JHY: variants seen among roughly 807,000 people sequenced by gnomAD.
JHY encodes junctional cadherin complex regulator, also known as jhy protein homolog.
In JHY, 69 loss-of-function variants were observed where a neutral mutation model predicts 78.0. The ratio of observed to expected loss-of-function variants is 0.88; its 90% CI spans 0.73 to 1.08. The LOEUF is 1.08. JHY is among the 50% of genes least tolerant of loss of function. The pLI is 0.00. For missense variants in JHY, 944 were observed against 927.8 expected, an observed-to-expected ratio of 1.02 and a Z score of -0.23; for synonymous variants, 368 against 342.6, an observed-to-expected ratio of 1.07 and a Z score of -0.82.
At chr11:122,891,926 A>G (rs1862623625) in intron 2 of JHY, among the ~76,000 whole-genome samples, 1 of 152,256 alleles carries the variant, frequency 6.6e-6, no homozygotes, top group South Asian at 2.1e-4. Context: ...AGTAAAAATT[A>G]AAACTATGAC....
chr11:122,955,621 C>A (rs1300999562), intron 6 of JHY, among the ~76,000 whole-genome samples: 1 of 152,166 alleles, frequency 6.6e-6, no homozygotes, highest in East Asian at 1.9e-4. Context: ...ATATTCAATT[C>A]TATGTGCCCT....
At chr11:122,931,480 T>A (rs1380644354) in intron 4 of JHY, among the ~76,000 whole-genome samples, 1 of 152,228 alleles carries the variant, frequency 6.6e-6, no homozygotes, top group Non-Finnish European at 1.5e-5. Context: ...AACACAGAGT[T>A]CTTCCTTACC....
At chr11:122,923,995 C>A (rs1289107331) in intron 3 of JHY, among the ~76,000 whole-genome samples, 1 of 151,054 alleles carries the variant, frequency 6.6e-6, no homozygotes, top group Non-Finnish European at 1.5e-5. Flanking sequence ...CCTTGGCTTC[C>A]CAAAGTGCCG....
At chr11:122,902,635 C>T (rs191711903) in intron 2 of JHY, among the ~76,000 whole-genome samples, 1 of 152,142 alleles carries the variant, frequency 6.6e-6, no homozygotes, top group East Asian at 1.9e-4. Flanking sequence ...AAGGAAACCT[C>T]GGGAAACTTA....
At chr11:122,931,052 T>C (rs562334842) in intron 4 of JHY, among the ~76,000 whole-genome samples, 33 of 152,146 alleles carry the variant, frequency 2.2e-4, no homozygotes, top group Non-Finnish European at 4.0e-4. Flanking sequence ...GCCTATTTTA[T>C]AGGGACATCA....
Position 122,961,642 on chromosome 11 carries a change from A to G in JHY, c.*2197A>G, listed in dbSNP as rs1171525942. On this transcript the variant is annotated 3_prime_UTR_variant, in exon 9 of 9. Coordinates refer to ENST00000227349, the MANE Select transcript of JHY (RefSeq NM_024806.4). ...AGTGCTGGGATTACAGGCGTTAGCT[A>G]CTACACCTGGCCCTATGATCACTTT... is the stretch of plus-strand genomic sequence containing the variant. 6.6e-6 allele frequency among the ~76,000 whole-genome samples: 1 copy of G among 152,182 alleles called. No homozygotes were observed. Among genetic ancestry groups the G allele is most frequent in the Non-Finnish European group, 1.5e-5 (1 of 68,020 alleles).
intron 2 of JHY, among the ~76,000 whole-genome samples, chr11:122,890,611 T>C (rs1046254754): frequency 6.6e-6 from 1 of 152,182 alleles, no homozygotes; most frequent in African/African-American, 2.4e-5. Context: ...TTTTTTCTCC[T>C]TTTGTCCAGT....
In JHY at chr11:122,957,349, G is replaced by A. The variant is rs763493996; in HGVS notation, c.2011-14G>A. The A allele has an allele frequency of 1.3e-6, 2 of 1,512,714 alleles. No individual in the cohort carries two copies. The highest frequency in any genetic ancestry group is 5.3e-5 in the East Asian group (2 of 38,024). The allele number at this position is 1,512,714 out of a possible 1,614,324, so 93.7% of individuals were successfully genotyped here. On this transcript the variant is annotated splice_polypyrimidine_tract_variant and intron_variant, in intron 7 of 8. Coordinates refer to ENST00000227349, the MANE Select transcript of JHY (RefSeq NM_024806.4). ...CAGCACCTGGATTCATCATAACTTT[G>A]TTTCTCTGAACAGACGCAAAAATTA...
chr11:122,948,967 C>T (rs1386739940), intron 6 of JHY, among the ~76,000 whole-genome samples: 1 of 151,724 alleles, frequency 6.6e-6, no homozygotes. Flanking sequence ...GCCTGTAATC[C>T]CAGCTACTCG....
intron 6 of JHY, among the ~76,000 whole-genome samples, chr11:122,949,494 T>C (rs748326020): frequency 5.3e-5 from 8 of 152,154 alleles, no homozygotes; most frequent in Non-Finnish European, 1.2e-4. Context: ...GAAACTGGCC[T>C]GGATCAGGCA....
At position 122,961,098 on chromosome 11, in the gene JHY, T is replaced by G; in HGVS notation, c.*1653T>G. On this transcript the variant is annotated 3_prime_UTR_variant, in exon 9 of 9. Transcript: ENST00000227349. ...ACAGCCAGTTATGTAAATGTATCTA[T>G]CCCAATTGAGAGAGCCAGAAACAGT... 9.8e-7 allele frequency: 1 copy of G among 1,019,022 alleles called. No homozygotes were observed. Among genetic ancestry groups the G allele is most frequent in the Non-Finnish European group, 1.5e-6 (1 of 662,750 alleles). 63.1% of individuals were successfully genotyped at this position (1,019,022 alleles called of 1,614,324 possible). A position where few individuals can be genotyped will look rare whatever the true frequency, so the allele number is the denominator to read the frequency against.
Position 122,961,081 on chromosome 11 carries a change from T to C in JHY, c.*1636T>C. 1 of 1,021,002 alleles carries C rather than the reference T, an allele frequency of 9.8e-7. No homozygotes were observed. The highest frequency in any genetic ancestry group is 2.6e-5 in the East Asian group (1 of 39,178). 63.2% of individuals were successfully genotyped at this position (1,021,002 alleles called of 1,614,324 possible). ...GCAAAGAAGACTCATGCACAGCCAG[T>C]TATGTAAATGTATCTATCCCAATTG... On this transcript the variant is annotated 3_prime_UTR_variant, in exon 9 of 9. Coordinates refer to ENST00000227349, the MANE Select transcript of JHY (RefSeq NM_024806.4).
At position 122,961,005 on chromosome 11, in the gene JHY, C is replaced by A. The variant is rs1392215469; in HGVS notation, c.*1560C>A. 1 of 980,966 alleles carries A rather than the reference C, an allele frequency of 1.0e-6. No individual in the cohort carries two copies. The highest frequency in any genetic ancestry group is 1.6e-6 in the Non-Finnish European group (1 of 616,326). 60.8% of individuals were successfully genotyped at this position (980,966 alleles called of 1,614,324 possible). A position where few individuals can be genotyped will look rare whatever the true frequency, so the allele number is the denominator to read the frequency against. On this transcript the variant is annotated 3_prime_UTR_variant, in exon 9 of 9. Transcript: ENST00000227349. ...AAATTGGGTGCAGAGCATCTCTGCACAACAGGAAAAGGAGACAATTGCCAA... is the reference window on the plus strand; with the variant it reads ...AAATTGGGTGCAGAGCATCTCTGCAAAACAGGAAAAGGAGACAATTGCCAA...
intron 2 of JHY, among the ~76,000 whole-genome samples, chr11:122,896,365 A>AG (rs398017868): frequency 6.7e-6 from 1 of 150,246 alleles, no homozygotes; most frequent in Admixed American, 6.7e-5. Flanking sequence ...AAAAAAAAAA[A>AG]GGAAATTTGC....
At chr11:122,952,977 G>T (rs1038376517) in intron 6 of JHY, among the ~76,000 whole-genome samples, 4 of 152,280 alleles carry the variant, frequency 2.6e-5, no homozygotes, top group Non-Finnish European at 4.4e-5. Flanking sequence ...ATTGGTAAAG[G>T]TTTTAAAATG....
intron 1 of JHY, among the ~76,000 whole-genome samples, chr11:122,884,321 A>G (rs1862448784): frequency 6.6e-6 from 1 of 152,214 alleles, no homozygotes; most frequent in African/African-American, 2.4e-5. Flanking sequence ...AATCCTAGGA[A>G]TAGTAATAAG....
At chr11:122,890,542 T>C (rs1012834055) in intron 2 of JHY, among the ~76,000 whole-genome samples, 1 of 152,322 alleles carries the variant, frequency 6.6e-6, no homozygotes, top group South Asian at 2.1e-4. Flanking sequence ...TCTGTATTTT[T>C]AAGATGAAGA....
chr11:122,908,927 T>C (rs1863051433), intron 3 of JHY, among the ~76,000 whole-genome samples: 1 of 152,186 alleles, frequency 6.6e-6, no homozygotes, highest in South Asian at 2.1e-4. Context: ...AAAGACCAAA[T>C]TCCAAGGAAG....
chr11:122,906,013 G>A (rs1862983547), intron 3 of JHY: 1 of 152,060 alleles, frequency 6.6e-6, no homozygotes, highest in South Asian at 2.1e-4. Flanking sequence ...AAATGAAATA[G>A]GTGTAGTATA....
Sources: gnomAD v4.1 joint callset for allele counts (sites outside exome capture counted in the v4.1 genomes callset) on GRCh38, gnomAD v4.1.1 for gene constraint, MANE v1.5 for transcripts, NCBI Gene and HGNC (gene_info 2026-07-23, HGNC 2026-07-21) for gene names.